Variants in ELAVL1 observed in about 807,000 individuals in gnomAD.
ELAVL1 encodes ELAV like RNA binding protein 1, also known as ELAV-like protein 1.
Under a neutral mutation model 28.4 loss-of-function variants are expected in ELAVL1, and 1 was observed. The ratio of observed to expected loss-of-function variants is 0.04; its 90% CI spans 0.01 to 0.17. ELAVL1 has a LOEUF of 0.17. ELAVL1 is among the 10% of genes least tolerant of loss of function. ELAVL1 has a pLI of 1.00. For synonymous variants in ELAVL1, 174 were observed against 183.5 expected (o/e 0.95, Z 0.42); for missense variants, 157 against 447.2 (o/e 0.35, Z 5.85).
chr19:7,965,875 C>T (rs1203429226), intron 5 of ELAVL1, among the ~76,000 whole-genome samples: 1 of 152,188 alleles, frequency 6.6e-6, no homozygotes, highest in African/African-American at 2.4e-5. Flanking sequence ...CAGCTCCATT[C>T]CGTCCAGAGA....
intron 5 of ELAVL1, among the ~76,000 whole-genome samples, chr19:7,965,658 T>C (rs1188951476): frequency 1.3e-5 from 2 of 152,202 alleles, no homozygotes; most frequent in Non-Finnish European, 2.9e-5. Context: ...TCACTTTTCC[T>C]GCTCGACCAG....
chr19:7,989,763 G>A (rs1985703026), intron 2 of ELAVL1, among the ~76,000 whole-genome samples: 1 of 152,224 alleles, frequency 6.6e-6, no homozygotes, highest in African/African-American at 2.4e-5. Context: ...TGTATACTGT[G>A]TAAAATCCCC....
At chr19:7,998,230 A>G (rs1388506958) in intron 1 of ELAVL1, among the ~76,000 whole-genome samples, 1 of 152,058 alleles carries the variant, frequency 6.6e-6, no homozygotes, top group African/African-American at 2.4e-5. Flanking sequence ...TCTATCCCAC[A>G]AGCTCCAACC....
intron 1 of ELAVL1, among the ~76,000 whole-genome samples, chr19:8,003,794 A>G (rs973177675): frequency 3.3e-5 from 5 of 152,092 alleles, no homozygotes; most frequent in Non-Finnish European, 7.3e-5. Flanking sequence ...AAACAGTATT[A>G]TTTCCTTCCA....
chr19:7,994,298 C>T (rs1487072217), intron 1 of ELAVL1, among the ~76,000 whole-genome samples: 6 of 66,190 alleles, frequency 9.1e-5, no homozygotes, highest in Non-Finnish European at 2.0e-4. Flanking sequence ...GGCCAGGGGT[C>T]GGGGGAGGGG....
chr19:7,973,300 G>A (rs532740452), intron 4 of ELAVL1: 3 of 258,756 alleles, frequency 1.2e-5, no homozygotes, highest in African/African-American at 2.3e-5. Context: ...GCAAGACCTC[G>A]GCTCACTGCA....
At chr19:7,993,790 C>G (rs1332410004) in intron 1 of ELAVL1, among the ~76,000 whole-genome samples, 3 of 152,150 alleles carry the variant, frequency 2.0e-5, no homozygotes, top group Admixed American at 2.0e-4. Context: ...CACCCAGTGC[C>G]CACGGTCATG....
At chr19:7,987,396 G>A (rs1985635708) in intron 2 of ELAVL1, among the ~76,000 whole-genome samples, 1 of 152,126 alleles carries the variant, frequency 6.6e-6, no homozygotes, top group African/African-American at 2.4e-5. Flanking sequence ...ACTGGGGCAG[G>A]GCTGCCCAGG....
intron 2 of ELAVL1, 89 bp downstream of exon 2, chr19:7,991,555 A>C: frequency 7.4e-7 from 1 of 1,350,650 alleles, no homozygotes; most frequent in Admixed American, 2.1e-5. Context: ...TCCTGCACTG[A>C]GGAATGCCAC....
intron 1 of ELAVL1, among the ~76,000 whole-genome samples, chr19:7,995,803 T>C (rs1985859535): frequency 6.7e-6 from 1 of 150,062 alleles, no homozygotes. Flanking sequence ...AAAAAATGGA[T>C]AAACTGGATA....
chr19:7,975,248 T>G (rs1170222842), intron 3 of ELAVL1, among the ~76,000 whole-genome samples: 22 of 152,176 alleles, frequency 1.4e-4, no homozygotes, highest in Non-Finnish European at 1.5e-5. Flanking sequence ...CTGTCTGGAC[T>G]GGGGCAGTAT....
rs549339179 is a variant in ELAVL1, at chr19:7,981,842, C to T, written c.173-656G>A. ...GAGGAAGGCCACGGCAGTGGACAGG[C>T]TGGTGGGACCCCAGTTTGTGTCACT... is the stretch of plus-strand genomic sequence containing the variant. On this transcript the variant is annotated intron_variant, in intron 2 of 5. Transcript: ENST00000407627. The surrounding 1 kb of genome is among the most constrained non-coding windows in gnomAD (Gnocchi z 4.2). Among the ~76,000 whole-genome samples the T allele has an allele frequency of 3.3e-5, 5 of 152,260 alleles. No homozygotes were observed. The East Asian group carries it at 9.6e-4, about 29-fold the overall frequency.
rs1266987672 is a variant in ELAVL1, at chr19:7,981,614, C to A, written c.173-428G>T. Among the ~76,000 whole-genome samples the A allele has an allele frequency of 6.6e-6, 1 of 152,140 alleles. No individual in the cohort carries two copies. The highest frequency in any genetic ancestry group is 1.5e-5 in the Non-Finnish European group (1 of 68,036). On this transcript the variant is annotated intron_variant, in intron 2 of 5. Transcript: ENST00000407627. This position sits in a 1 kb window ranked among gnomAD's most constrained non-coding sequence, Gnocchi z 4.2. ...GGCTCAAGCAATCCTCCCACCTCGGCCCCACCTCGACCTCCCAAAGTGTTG... is the reference window on the plus strand; with the variant it reads ...GGCTCAAGCAATCCTCCCACCTCGGACCCACCTCGACCTCCCAAAGTGTTG...
rs1353276856 is a variant in ELAVL1, at chr19:7,961,375, G to T, written c.*2108C>A. On this transcript the variant is annotated 3_prime_UTR_variant, in exon 6 of 6. Coordinates refer to ENST00000407627, the MANE Select transcript of ELAVL1 (RefSeq NM_001419.3). ...TTGGCTCCCACCTTCCATCAGAAGG[G>T]TGTTGGCTCCCACCTTCCATCAGAA... 6.6e-6 allele frequency: 1 copy of T among 151,068 alleles called. No homozygotes were observed. Among genetic ancestry groups the T allele is most frequent in the Non-Finnish European group, 1.5e-5 (1 of 67,520 alleles). The allele number at this position is 151,068 out of a possible 1,614,324, so 9.4% of individuals were successfully genotyped here.
chr19:7,967,836 G>A (rs973907345), intron 4 of ELAVL1, 46 bp from the exon 5 acceptor site: 9 of 1,588,220 alleles, frequency 5.7e-6, no homozygotes, highest in Non-Finnish European at 7.7e-6. Context: ...AAAAACGCTA[G>A]GACTTTCAAA....
chr19:7,965,648 T>C (rs897109760), intron 5 of ELAVL1, among the ~76,000 whole-genome samples: 11 of 152,128 alleles, frequency 7.2e-5, no homozygotes, highest in Non-Finnish European at 1.5e-4. Flanking sequence ...GCCCTGCCAC[T>C]CACTTTTCCT....
chr19:7,995,783 T>TA (rs36099865), intron 1 of ELAVL1, among the ~76,000 whole-genome samples: 4,662 of 145,722 alleles, frequency 0.032, 198 homozygotes, highest in African/African-American at 0.096. Context: ...CCCACTTCGT[T>TA]AAAAAAAAAA....
chr19:7,999,537 G>A (rs2081060435), intron 1 of ELAVL1, among the ~76,000 whole-genome samples: 1 of 152,132 alleles, frequency 6.6e-6, no homozygotes, highest in African/African-American at 2.4e-5. Context: ...AACCTTGAGG[G>A]CCCAGGTTAT....
intron 2 of ELAVL1, among the ~76,000 whole-genome samples, chr19:7,983,455 G>C (rs1352682559): frequency 6.6e-6 from 1 of 152,180 alleles, no homozygotes; most frequent in East Asian, 1.9e-4. Flanking sequence ...GGACACCACG[G>C]GAGGGACTCG....
Sources: gnomAD v4.1 joint callset for allele counts (sites outside exome capture counted in the v4.1 genomes callset) on GRCh38, gnomAD v4.1.1 for gene constraint, Gnocchi (gnomAD v3.1) non-coding constraint, MANE v1.5 for transcripts, NCBI Gene and HGNC (gene_info 2026-07-23, HGNC 2026-07-21) for gene names.